NXPH1: variants seen among roughly 807,000 people sequenced by gnomAD.
NXPH1 encodes neurexophilin 1.
Under a neutral mutation model 23.7 loss-of-function variants are expected in NXPH1, and 5 were observed. The ratio of observed to expected loss-of-function variants is 0.21; its 90% CI spans 0.11 to 0.44. The LOEUF is 0.44. NXPH1 is among the 20% of genes least tolerant of loss of function. NXPH1 has a pLI of 0.99. For synonymous variants in NXPH1, 144 were observed against 122.2 expected (o/e 1.18, Z -1.18); for missense variants, 324 against 321.6 (o/e 1.01, Z -0.06).
At chr7:8,527,482 A>G (rs17333052) in intron 2 of NXPH1, among the ~76,000 whole-genome samples, 9,927 of 152,278 alleles carry the variant, frequency 0.065, 443 homozygotes, top group Middle Eastern at 0.15. Context: ...TTAAAAAATG[A>G]CAGCATTATG....
chr7:8,713,548 A>G (rs749291540), intron 2 of NXPH1, among the ~76,000 whole-genome samples: 1 of 151,304 alleles, frequency 6.6e-6, no homozygotes, highest in Non-Finnish European at 1.5e-5. Context: ...ACTGAAATAT[A>G]TATTGTAGTC....
chr7:8,651,285 T>G (rs1489097676), intron 2 of NXPH1, among the ~76,000 whole-genome samples: 4 of 98,580 alleles, frequency 4.1e-5, no homozygotes, highest in African/African-American at 1.3e-4. Context: ...TCCATGTCCC[T>G]ACAAAGGACA....
At chr7:8,517,758 T>A (rs1021099896) in intron 2 of NXPH1, among the ~76,000 whole-genome samples, 1 of 152,180 alleles carries the variant, frequency 6.6e-6, no homozygotes, top group Admixed American at 6.5e-5. Context: ...TCTTATACTC[T>A]ACTTGGGACA....
chr7:8,667,819 A>C (rs1820797357), intron 2 of NXPH1, among the ~76,000 whole-genome samples: 1 of 151,972 alleles, frequency 6.6e-6, no homozygotes, highest in Non-Finnish European at 1.5e-5. Context: ...TAAATCTTGA[A>C]TATTTGATCT....
At chr7:8,672,479 A>C (rs1820886997) in intron 2 of NXPH1, among the ~76,000 whole-genome samples, 1 of 152,124 alleles carries the variant, frequency 6.6e-6, no homozygotes, top group Non-Finnish European at 1.5e-5. Flanking sequence ...ATAATAAAAA[A>C]AGATTAAAAA....
chr7:8,520,050 T>C (rs1195663029), intron 2 of NXPH1, among the ~76,000 whole-genome samples: 4 of 152,106 alleles, frequency 2.6e-5, no homozygotes, highest in African/African-American at 7.2e-5. Context: ...ATAATATATA[T>C]ATTTTCATTA....
chr7:8,642,552 A>C (rs1820333730), intron 2 of NXPH1, among the ~76,000 whole-genome samples: 1 of 152,210 alleles, frequency 6.6e-6, no homozygotes, highest in South Asian at 2.1e-4. Context: ...AAAATATATA[A>C]AAAATACTTT....
intron 2 of NXPH1, among the ~76,000 whole-genome samples, chr7:8,478,390 T>A (rs1290248951): frequency 5.3e-5 from 8 of 151,820 alleles, no homozygotes; most frequent in Non-Finnish European, 1.2e-4. Flanking sequence ...ATCAGAAATT[T>A]AAAAAATATC....
At chr7:8,635,954 G>T (rs574971262) in intron 2 of NXPH1, among the ~76,000 whole-genome samples, 7 of 152,212 alleles carry the variant, frequency 4.6e-5, no homozygotes, top group African/African-American at 1.7e-4. Context: ...AAGAATCCAG[G>T]AAATATGATG....
At chr7:8,436,387 C>G (rs1054714807) in intron 2 of NXPH1, among the ~76,000 whole-genome samples, 3 of 152,168 alleles carry the variant, frequency 2.0e-5, no homozygotes, top group South Asian at 2.1e-4. Flanking sequence ...CATCAAATAA[C>G]TAAATCCCAT....
chr7:8,700,429 T>C (rs1779605049), intron 2 of NXPH1, among the ~76,000 whole-genome samples: 1 of 152,150 alleles, frequency 6.6e-6, no homozygotes, highest in African/African-American at 2.4e-5. Flanking sequence ...TCTTAGACAG[T>C]TCCTGTACTC....
At chr7:8,665,892 G>T (rs1820752269) in intron 2 of NXPH1, among the ~76,000 whole-genome samples, 3 of 126,570 alleles carry the variant, frequency 2.4e-5, no homozygotes, top group Non-Finnish European at 3.4e-5. Flanking sequence ...TGATTTATTA[G>T]TTCTAAGAGG....
At position 8,463,506 on chromosome 7, in the gene NXPH1, T is replaced by C. The variant is rs539281236; in HGVS notation, c.54+27739T>C. 2.0e-5 allele frequency among the ~76,000 whole-genome samples: 3 copies of C among 152,278 alleles called. No individual in the cohort carries two copies. The South Asian group carries it at 6.2e-4, about 32-fold the overall frequency. On this transcript the variant is annotated intron_variant, in intron 2 of 2. Coordinates refer to ENST00000405863, the MANE Select transcript of NXPH1 (RefSeq NM_152745.3). Reference sequence around the variant, plus strand: ...GGGTCAAGGATATGCCAATTTAAAATTTTGATAGATATTTCCAAATTGCCA... The same window carrying C: ...GGGTCAAGGATATGCCAATTTAAAACTTTGATAGATATTTCCAAATTGCCA...
intron 2 of NXPH1, among the ~76,000 whole-genome samples, chr7:8,555,267 T>C (rs1349146295): frequency 1.3e-5 from 2 of 151,728 alleles, no homozygotes; most frequent in African/African-American, 4.8e-5. Flanking sequence ...CATTTGTGAA[T>C]CAACTAAGAG....
intron 2 of NXPH1, among the ~76,000 whole-genome samples, chr7:8,598,551 A>C (rs1819280431): frequency 1.3e-5 from 2 of 152,232 alleles, no homozygotes; most frequent in South Asian, 2.1e-4. Context: ...ACTAAGGAAC[A>C]ATTAGGATGA....
chr7:8,720,950 A>T (rs1462665038), intron 2 of NXPH1, among the ~76,000 whole-genome samples: 1 of 152,252 alleles, frequency 6.6e-6, no homozygotes, highest in East Asian at 1.9e-4. Context: ...TAGAAGGGAA[A>T]TAAGCTGTAG....
intron 2 of NXPH1, among the ~76,000 whole-genome samples, chr7:8,447,194 A>G (rs1283001359): frequency 6.6e-6 from 1 of 152,236 alleles, no homozygotes; most frequent in Non-Finnish European, 1.5e-5. Context: ...TGGTGTTAGT[A>G]ATAGAGCTGT....
intron 2 of NXPH1, among the ~76,000 whole-genome samples, chr7:8,553,551 C>G (rs1482852590): frequency 6.6e-6 from 1 of 151,400 alleles, no homozygotes; most frequent in Admixed American, 6.6e-5. Flanking sequence ...CAGGTTTTAG[C>G]CTTAATTCAG....
Position 8,435,521 on chromosome 7 carries a change from G to T in NXPH1, c.-110-83G>T, listed in dbSNP as rs1202475245. On this transcript the variant is annotated intron_variant, in intron 1 of 2. Coordinates refer to ENST00000405863, the MANE Select transcript of NXPH1 (RefSeq NM_152745.3). This position sits in a 1 kb window ranked among gnomAD's most constrained non-coding sequence, Gnocchi z 5.9. ...TTTTTTTTTTGGTCCCCCACTCCCCGCTACGACCCCCTTTCCCCGCTTGAT... is the reference window on the plus strand; with the variant it reads ...TTTTTTTTTTGGTCCCCCACTCCCCTCTACGACCCCCTTTCCCCGCTTGAT... 2.3e-5 allele frequency: 10 copies of T among 440,508 alleles called. No individual in the cohort carries two copies. The highest frequency in any genetic ancestry group is 3.9e-5 in the South Asian group (1 of 25,652). 27.3% of individuals were successfully genotyped at this position (440,508 alleles called of 1,614,324 possible). A position where few individuals can be genotyped will look rare whatever the true frequency, so the allele number is the denominator to read the frequency against.
Sources: allele counts gnomAD v4.1 joint callset (sites outside exome capture counted in the v4.1 genomes callset), GRCh38; gene constraint gnomAD v4.1.1; non-coding constraint Gnocchi (gnomAD v3.1); transcripts MANE v1.5; gene names NCBI Gene and HGNC (gene_info 2026-07-23, HGNC 2026-07-21).